The following CHSY1 variants were observed in gnomAD, a reference collection of about 807,000 sequenced individuals.
CHSY1 encodes chondroitin sulfate synthase 1.
In CHSY1, 13 loss-of-function variants were observed where a neutral mutation model predicts 59.8. The ratio of observed to expected loss-of-function variants is 0.22; its 90% CI spans 0.14 to 0.35. The LOEUF (loss-of-function observed/expected upper bound fraction) is 0.35. Ranked by LOEUF, CHSY1 falls within the 10% of genes least tolerant of loss-of-function variation. The probability of loss-of-function intolerance (pLI) is 1.00; values close to 1 mark genes in which losing one functional copy is unlikely to be tolerated. For synonymous variants in CHSY1, 459 were observed against 401.2 expected, an observed-to-expected ratio of 1.14 and a Z score of -1.72; for missense variants, 947 against 1,030.6, an observed-to-expected ratio of 0.92 and a Z score of 1.11.
chr15:101,236,754 G>A (rs950364110), intron 1 of CHSY1, among the ~76,000 whole-genome samples: 4 of 152,202 alleles, frequency 2.6e-5, no homozygotes, highest in Admixed American at 2.6e-4. Context: ...GAACCCGGAA[G>A]GCGAAGCTTG....
intron 2 of CHSY1, among the ~76,000 whole-genome samples, chr15:101,192,834 C>G (rs891998380): frequency 6.6e-6 from 1 of 152,224 alleles, no homozygotes; most frequent in African/African-American, 2.4e-5. Context: ...AATCATTCAA[C>G]TATCCTTTTA....
chr15:101,239,429 G>C (rs1320331063), intron 1 of CHSY1, among the ~76,000 whole-genome samples: 1 of 152,222 alleles, frequency 6.6e-6, no homozygotes, highest in East Asian at 1.9e-4. Flanking sequence ...GCAAGAGCTG[G>C]CTCTGGAATC....
At chr15:101,219,278 T>C (rs1301410552) in intron 2 of CHSY1, among the ~76,000 whole-genome samples, 1 of 152,204 alleles carries the variant, frequency 6.6e-6, no homozygotes, top group Admixed American at 6.5e-5. Flanking sequence ...CCAAGTTAAG[T>C]GTCAGTTAGA....
At chr15:101,215,791 C>G (rs1341472440) in intron 2 of CHSY1, among the ~76,000 whole-genome samples, 1 of 152,180 alleles carries the variant, frequency 6.6e-6, no homozygotes, top group East Asian at 1.9e-4. Context: ...TACATCTCTT[C>G]AAGATCTTTT....
At chr15:101,221,859 A>T (rs2038791862) in intron 2 of CHSY1, among the ~76,000 whole-genome samples, 1 of 150,412 alleles carries the variant, frequency 6.6e-6, no homozygotes, top group Non-Finnish European at 1.5e-5. Flanking sequence ...TAATTGCTAG[A>T]CATCCAAGAA....
At chr15:101,210,716 T>C (rs1324434435) in intron 2 of CHSY1, among the ~76,000 whole-genome samples, 1 of 152,220 alleles carries the variant, frequency 6.6e-6, no homozygotes, top group East Asian at 1.9e-4. Context: ...ACCTTAACTG[T>C]CTGCCAGAAG....
At chr15:101,196,247 C>T (rs56408443) in intron 2 of CHSY1, among the ~76,000 whole-genome samples, 2,461 of 143,876 alleles carry the variant, frequency 0.017, 32 homozygotes, top group East Asian at 0.076. Context: ...AAAAAAAAAA[C>T]ATATATGTAA....
In CHSY1 at chr15:101,197,867, G is replaced by A. The variant is rs149565210; in HGVS notation, c.817-18887C>T. 6.8e-4 allele frequency among the ~76,000 whole-genome samples: 104 copies of A among 152,204 alleles called. 1 individual carries two copies. In the East Asian group the frequency reaches 0.018, roughly 27 times the overall value. On this transcript the variant is annotated intron_variant, in intron 2 of 2. Transcript: ENST00000254190. The stretch of plus-strand genomic sequence containing the variant: ...TCTTAAACATCTGACCTTGGTATAC[G>A]CTAAGAATTCCGCGAGTGGTATTTG...
rs2039111766 is a variant in CHSY1, at chr15:101,251,472, C to T, written c.-16G>A. Reference sequence around the variant, plus strand: ...GCGCGGCCATGCCCGCGCCGCTCCGCCCGCCGGGCCGCCGCCGCAGGCTCC... The same window carrying T: ...GCGCGGCCATGCCCGCGCCGCTCCGTCCGCCGGGCCGCCGCCGCAGGCTCC... On this transcript the variant is annotated 5_prime_UTR_variant, in exon 1 of 3. Coordinates refer to ENST00000254190, the MANE Select transcript of CHSY1 (RefSeq NM_014918.5). 2 of 946,670 alleles carry T rather than the reference C, an allele frequency of 2.1e-6. No homozygotes were observed. The highest frequency in any genetic ancestry group is 1.9e-5 in the African/African-American group (1 of 52,892). 58.6% of individuals were successfully genotyped at this position (946,670 alleles called of 1,614,324 possible). A position where few individuals can be genotyped will look rare whatever the true frequency, so the allele number is the denominator to read the frequency against.
At chr15:101,250,985 C>T (rs2039103027) in intron 1 of CHSY1, 152 bp downstream of exon 1, 1 of 692,460 alleles carries the variant, frequency 1.4e-6, no homozygotes, top group East Asian at 3.0e-5. Context: ...TTTTCTCCCT[C>T]GGCCCGGCGT....
chr15:101,249,718 T>C (rs1033524652), intron 1 of CHSY1, among the ~76,000 whole-genome samples: 2 of 152,112 alleles, frequency 1.3e-5, no homozygotes, highest in Non-Finnish European at 2.9e-5. Context: ...TTTCACCATA[T>C]TGGTCAGGCT....
rs768914522 is a variant in CHSY1, at chr15:101,178,809, G to A, written c.988C>T (p.Arg330Cys). The change falls in exon 3 of 3, where the codon CGC (arginine) becomes TGC (cysteine). Residue 330 changes from arginine to cysteine, a missense_variant. Arg to Cys is a radical substitution (Grantham distance 180, BLOSUM62 -3). Transcript: ENST00000254190. ...LSRKISELRHRTIQLHREIVL... is the reference protein window; with the variant it reads ...LSRKISELRHCTIQLHREIVL... ...ATTTCGCGGTGCAGCTGTATTGTGCGATGGCGGAGCTCGGATATCTTGCGG... is the reference window on the plus strand; with the variant it reads ...ATTTCGCGGTGCAGCTGTATTGTGCAATGGCGGAGCTCGGATATCTTGCGG... The A allele has an allele frequency of 3.6e-5, 58 of 1,614,076 alleles. No individual in the cohort carries two copies. The highest frequency in any genetic ancestry group is 2.7e-4 in the Admixed American group (16 of 60,004).
At chr15:101,217,995 G>A (rs1426093946) in intron 2 of CHSY1, among the ~76,000 whole-genome samples, 2 of 152,192 alleles carry the variant, frequency 1.3e-5, no homozygotes, top group Non-Finnish European at 2.9e-5. Context: ...CTGACGGTAC[G>A]TACCCTTGAT....
chr15:101,195,709 T>C (rs933721932), intron 2 of CHSY1, among the ~76,000 whole-genome samples: 1 of 151,100 alleles, frequency 6.6e-6, no homozygotes, highest in Non-Finnish European at 1.5e-5. Context: ...CCTGTAGTCC[T>C]AGCTACTCAG....
At chr15:101,181,726 G>C (rs1231439129) in intron 2 of CHSY1, among the ~76,000 whole-genome samples, 4 of 152,208 alleles carry the variant, frequency 2.6e-5, no homozygotes, top group Non-Finnish European at 5.9e-5. Flanking sequence ...CTGAACAGGA[G>C]TGGTGGAACT....
chr15:101,184,420 A>C (rs2038325399), intron 2 of CHSY1, among the ~76,000 whole-genome samples: 1 of 150,874 alleles, frequency 6.6e-6, no homozygotes, highest in Non-Finnish European at 1.5e-5. Context: ...TCCTTCTGTC[A>C]TCCAGGCTGG....
intron 2 of CHSY1, among the ~76,000 whole-genome samples, chr15:101,217,231 A>C (rs571329126): frequency 6.6e-6 from 1 of 152,248 alleles, no homozygotes; most frequent in Non-Finnish European, 1.5e-5. Flanking sequence ...TTTAGCAAAG[A>C]AGGAGGCTAG....
At chr15:101,188,257 T>A in intron 2 of CHSY1, 2 of 913,250 alleles carry the variant, frequency 2.2e-6, no homozygotes, top group Non-Finnish European at 2.6e-6. Context: ...GTTGTCTAAA[T>A]GTCAAGAGAC....
intron 2 of CHSY1, among the ~76,000 whole-genome samples, chr15:101,214,590 T>C (rs937215353): frequency 9.2e-5 from 14 of 152,244 alleles, no homozygotes; most frequent in Admixed American, 2.6e-4. Context: ...TCATGTCGGA[T>C]TGCAGTCCCT....
Sources: allele counts gnomAD v4.1 joint callset (sites outside exome capture counted in the v4.1 genomes callset), GRCh38; gene constraint gnomAD v4.1.1; transcripts MANE v1.5; gene names NCBI Gene and HGNC (gene_info 2026-07-23, HGNC 2026-07-21).